CCDC74A: variants seen among roughly 807,000 people sequenced by gnomAD.
The protein encoded by CCDC74A is coiled-coil domain containing 74A, also known as coiled-coil domain-containing protein 74A.
A neutral mutation model predicts 37.6 loss-of-function variants in CCDC74A; 38 were observed. The observed-to-expected ratio is 1.01, with a 90% confidence interval of 0.78 to 1.33. The LOEUF (loss-of-function observed/expected upper bound fraction) is 1.33, where lower values mean the gene tolerates loss of function less well. CCDC74A is among the 40% of genes most tolerant of loss of function. CCDC74A has a pLI of 0.00. For missense variants in CCDC74A, 340 were observed against 403.4 expected, an observed-to-expected ratio of 0.84 and a Z score of 1.35; for synonymous variants, 134 against 165.2, an observed-to-expected ratio of 0.81 and a Z score of 1.45.
chr2:131,529,499 G>A (rs1019702739), intron 1 of CCDC74A, 148 bp from the exon 2 acceptor site: 2 of 1,056,610 alleles, frequency 1.9e-6, no homozygotes, highest in Non-Finnish European at 2.9e-6. Context: ...AGGCGTGGTG[G>A]AGAGCGGGAT....
upstream of CCDC74A, among the ~76,000 whole-genome samples, chr2:131,525,711 CTTTTTTTTTT>C (rs58721770): frequency 1.6e-5 from 1 of 63,448 alleles, no homozygotes; most frequent in African/African-American, 7.6e-5. Context: ...CTATGCCTGC[CTTTTTTTTTT>C]TTTTTTTTTT....
At position 131,530,106 on chromosome 2, in the gene CCDC74A, G is replaced by A. The variant is rs758925464; in HGVS notation, c.295+415G>A. The A allele has an allele frequency of 4.5e-6, 7 of 1,550,304 alleles. No homozygotes were observed. In the South Asian group the frequency reaches 8.3e-5, roughly 18 times the overall value. On this transcript the variant is annotated intron_variant, in intron 2 of 7. Coordinates refer to ENST00000409856, the MANE Select transcript of CCDC74A (RefSeq NM_001258306.3). ...ACATGCTGGGGGCCCAGGGGCTCTG[G>A]ACACACTCCATCCAGGGATCCCTTC...
chr2:131,522,796 C>G (rs1411400412), upstream of CCDC74A, among the ~76,000 whole-genome samples: 5 of 152,198 alleles, frequency 3.3e-5, no homozygotes. Context: ...AGCAGAGGCC[C>G]TGTGCAGTCA....
intron 1 of CCDC74A, chr2:131,529,303 T>G: frequency 2.0e-6 from 1 of 506,488 alleles, no homozygotes; most frequent in Non-Finnish European, 3.6e-6. Flanking sequence ...CAGTCCCTGA[T>G]CCCCACGGGA....
At chr2:131,525,397 T>C (rs548770801), upstream of CCDC74A, among the ~76,000 whole-genome samples, 23 of 152,256 alleles carry the variant, frequency 1.5e-4, 1 homozygote, top group African/African-American at 4.6e-4. Flanking sequence ...TTTTAGTTCT[T>C]TGTGGAGACA....
chr2:131,528,740 G>A, intron 1 of CCDC74A: 6 of 367,014 alleles, frequency 1.6e-5, no homozygotes, highest in Non-Finnish European at 3.2e-5. Flanking sequence ...GAACCCGGGA[G>A]GCGGAGCTTG....
upstream of CCDC74A, among the ~76,000 whole-genome samples, chr2:131,524,131 A>G (rs1254210164): frequency 6.6e-6 from 1 of 152,208 alleles, no homozygotes; most frequent in Non-Finnish European, 1.5e-5. Flanking sequence ...CTTCTGAGGA[A>G]CCAAGAATTG....
At position 131,528,418 on chromosome 2, in the gene CCDC74A, C is replaced by T. The variant is rs1426959884; in HGVS notation, c.250+198C>T. 16 of 1,550,746 alleles carry T rather than the reference C, an allele frequency of 1.0e-5. No homozygotes were observed. The African/African-American group carries it at 1.6e-4, about 16-fold the overall frequency. Reference sequence around the variant, plus strand: ...GACCCGCGTGGCCCCCGGGCAGTGCCGACCCTGTCTGCCTGTCTCGTAGGG... The same window carrying T: ...GACCCGCGTGGCCCCCGGGCAGTGCTGACCCTGTCTGCCTGTCTCGTAGGG... On this transcript the variant is annotated intron_variant, in intron 1 of 7. Coordinates refer to ENST00000409856, the MANE Select transcript of CCDC74A (RefSeq NM_001258306.3).
Position 131,531,666 on chromosome 2 carries a change from A to C in CCDC74A, c.349A>C (p.Lys117Gln). The part of the protein sequence containing the change: ...QSVKSISNSG[K>Q]ARPQPGSFNK... The stretch of plus-strand genomic sequence containing the variant: ...CTGACTTGCAGCCAACTCTCAAGGC[A>C]AGGCCAGGCCCCAGCCCGGCTCCTT... The change falls in exon 4 of 8, where the codon AAG becomes CAG. Residue 117 changes from lysine (K) to glutamine (Q), a missense_variant and splice_region_variant. By Grantham distance (53) the Lys-to-Gln change is moderately conservative. Around this residue, in one of 3 missense-constraint regions of CCDC74A, gnomAD observed 154 missense variants for 153.9 expected, o/e 1.00. Coordinates refer to ENST00000409856, the MANE Select transcript of CCDC74A (RefSeq NM_001258306.3). 1 of 1,539,280 alleles carries C rather than the reference A, an allele frequency of 6.5e-7. No individual in the cohort carries two copies.
At chr2:131,523,122 C>G (rs1350649064), upstream of CCDC74A, among the ~76,000 whole-genome samples, 1 of 152,152 alleles carries the variant, frequency 6.6e-6, no homozygotes, top group African/African-American at 2.4e-5. Context: ...CCAGGCTGAT[C>G]TTGAACTCCT....
chr2:131,530,548 TC>T, intron 2 of CCDC74A: 1 of 1,594,348 alleles, frequency 6.3e-7, no homozygotes, highest in South Asian at 1.1e-5. Context: ...GACCTGCTGT[TC>T]CATGTGTCCC....
chr2:131,531,417 G>A (rs1221079104), intron 3 of CCDC74A, among the ~76,000 whole-genome samples: 1 of 151,304 alleles, frequency 6.6e-6, no homozygotes, highest in Non-Finnish European at 1.5e-5. Flanking sequence ...TACCCAAGAT[G>A]GGGCCAGCTT....
upstream of CCDC74A, among the ~76,000 whole-genome samples, chr2:131,524,394 T>G (rs995439226): frequency 2.0e-5 from 3 of 152,202 alleles, no homozygotes; most frequent in African/African-American, 7.2e-5. Context: ...CATTATTTCC[T>G]GGCAGGTCTG....
rs1433079424 is a variant in CCDC74A, at chr2:131,532,588, G to C, written c.486-1G>C. On this transcript the variant is annotated splice_acceptor_variant, in intron 4 of 7. Transcript: ENST00000409856. LOFTEE classifies it high-confidence loss of function. ...TCTGGCTGCTGCAATGACTGTTTCA[G>C]AAAGGAGAAAGCAGAGGCCTCTAAT... The C allele has an allele frequency of 1.3e-6, 2 of 1,565,054 alleles. No individual in the cohort carries two copies. The highest frequency in any genetic ancestry group is 3.7e-5 in the Admixed American group (2 of 53,836).
At chr2:131,523,514 C>T (rs999955075), upstream of CCDC74A, among the ~76,000 whole-genome samples, 1 of 152,126 alleles carries the variant, frequency 6.6e-6, no homozygotes, top group South Asian at 2.1e-4. Context: ...CTAATCTCAG[C>T]TACTTGGGAG....
At chr2:131,523,327 G>C (rs1479026798), upstream of CCDC74A, among the ~76,000 whole-genome samples, 1 of 152,154 alleles carries the variant, frequency 6.6e-6, no homozygotes, top group Non-Finnish European at 1.5e-5. Context: ...TTATTTCCCA[G>C]TCAAGAATTC....
At chr2:131,530,946 G>A (rs1267135551) in intron 3 of CCDC74A, 119 bp downstream of exon 3, 12 of 1,493,360 alleles carry the variant, frequency 8.0e-6, no homozygotes, top group Non-Finnish European at 9.8e-6. Context: ...CAGGATTTGG[G>A]GATGAAGGTG....
At chr2:131,530,578 G>T (rs1176404176) in intron 2 of CCDC74A, 199 bp from the exon 3 acceptor site, 1 of 1,607,542 alleles carries the variant, frequency 6.2e-7, no homozygotes, top group East Asian at 2.3e-5. Context: ...CTGCTTTCCA[G>T]ATGGCCCCTC....
chr2:131,529,345 G>A (rs533698269), intron 1 of CCDC74A: 1 of 580,328 alleles, frequency 1.7e-6, no homozygotes, highest in Non-Finnish European at 3.1e-6. Flanking sequence ...GGGTTCCGGA[G>A]TTCACCTCTG....
Sources: gnomAD v4.1 joint callset for allele counts (sites outside exome capture counted in the v4.1 genomes callset) on GRCh38, gnomAD v4.1.1 for gene constraint, gnomAD v4.1.1 regional missense constraint, MANE v1.5 for transcripts, NCBI Gene and HGNC (gene_info 2026-07-23, HGNC 2026-07-21) for gene names.